The following CRY2 variants were observed in gnomAD, a reference collection of about 807,000 sequenced individuals.
CRY2 encodes cryptochrome-2.
CRY2 carries 31 observed loss-of-function variants against 69.5 expected under a neutral mutation model. The observed-to-expected ratio is 0.45, with a 90% CI of 0.34 to 0.60. The LOEUF (loss-of-function observed/expected upper bound fraction) is 0.60. Among genes scored for constraint, CRY2 ranks in the 20% least tolerant of loss-of-function variants. CRY2 has a pLI of 0.02. For synonymous variants in CRY2, 303 were observed against 312.2 expected, an observed-to-expected ratio of 0.97 and a Z score of 0.31; for missense variants, 606 against 797.8, an observed-to-expected ratio of 0.76 and a Z score of 2.90.
At chr11:45,868,083 C>A in intron 6 of CRY2, 1 of 298,344 alleles carries the variant, frequency 3.4e-6, no homozygotes, top group Non-Finnish European at 6.4e-6. Context: ...GGGTGAGAGG[C>A]ATGGAGAGGG....
chr11:45,847,850 T>TC, intron 1 of CRY2, 145 bp downstream of exon 1: 1 of 1,191,306 alleles, frequency 8.4e-7, no homozygotes, highest in Non-Finnish European at 1.1e-6. Flanking sequence ...TTCGTCATGG[T>TC]CCTAACGCGC....
At chr11:45,873,464 T>C (rs1334215929) in intron 11 of CRY2, among the ~76,000 whole-genome samples, 2 of 152,246 alleles carry the variant, frequency 1.3e-5, no homozygotes, top group African/African-American at 4.8e-5. Flanking sequence ...CTCAGTTATC[T>C]CTTAGCTCTG....
chr11:45,865,928 G>A (rs2086327419), intron 5 of CRY2, among the ~76,000 whole-genome samples: 1 of 152,218 alleles, frequency 6.6e-6, no homozygotes, highest in Admixed American at 6.5e-5. Context: ...GGATGGGAGT[G>A]GACGCAGGGA....
At chr11:45,870,636 G>A (rs2086371515) in intron 9 of CRY2, 104 bp downstream of exon 9, 1 of 1,399,986 alleles carries the variant, frequency 7.1e-7, no homozygotes, top group Non-Finnish European at 9.8e-7. Flanking sequence ...ACTGAGTGCT[G>A]TCTTTCAGGT....
intron 5 of CRY2, among the ~76,000 whole-genome samples, chr11:45,863,418 G>A (rs771153410): frequency 2.6e-5 from 4 of 151,934 alleles, no homozygotes; most frequent in South Asian, 2.1e-4. Flanking sequence ...CCCAGAGAGC[G>A]GGCCCCTTCT....
In CRY2 at chr11:45,882,036, A is replaced by G. The variant is rs963122580; in HGVS notation, c.*1125A>G. On this transcript the variant is annotated 3_prime_UTR_variant, in exon 12 of 12. Coordinates refer to ENST00000616080, the MANE Select transcript of CRY2 (RefSeq NM_021117.5). The stretch of plus-strand genomic sequence containing the variant: ...TGGGGACTGCCAGGGGCAGTTGGCA[A>G]AAGTCCAAGTAGAGATTACACCCAG... The G allele has an allele frequency of 6.6e-6, 1 of 152,264 alleles. No homozygotes were observed. Among genetic ancestry groups the G allele is most frequent in the Non-Finnish European group, 1.5e-5 (1 of 68,068 alleles). The allele number at this position is 152,264 out of a possible 1,614,324, so 9.4% of individuals were successfully genotyped here. A position where few individuals can be genotyped will look rare whatever the true frequency, so the allele number is the denominator to read the frequency against.
intron 1 of CRY2, among the ~76,000 whole-genome samples, chr11:45,853,021 C>G (rs1178288925): frequency 2.0e-5 from 3 of 152,190 alleles, no homozygotes. Flanking sequence ...CAGGGCAGCA[C>G]AGCCTCAGTG....
At chr11:45,865,894 C>T (rs895738023) in intron 5 of CRY2, among the ~76,000 whole-genome samples, 3 of 152,166 alleles carry the variant, frequency 2.0e-5, no homozygotes, top group African/African-American at 7.2e-5. Context: ...ACTCTGGTCC[C>T]AGCGTGGAGA....
chr11:45,851,373 A>G (rs1047741357), intron 1 of CRY2, among the ~76,000 whole-genome samples: 3 of 152,232 alleles, frequency 2.0e-5, no homozygotes, highest in African/African-American at 7.2e-5. Flanking sequence ...TAGAATTGGT[A>G]AATGAGGTAA....
Position 45,867,686 on chromosome 11 carries a change from C to T in CRY2, c.816C>T (p.Pro272=). 1 of 1,614,204 alleles carries T rather than the reference C, an allele frequency of 6.2e-7. No individual in the cohort carries two copies. The highest frequency in any genetic ancestry group is 1.3e-5 in the African/African-American group (1 of 75,038). The change falls in exon 6 of 12, where the codon CCC becomes CCT. Residue 272 remains proline (P), a synonymous_variant. Coordinates refer to ENST00000616080, the MANE Select transcript of CRY2 (RefSeq NM_021117.5). The part of the protein sequence containing the change: ...SLLASPTGLS[P]YLRFGCLSCR... ...TGGCCAGCCCCACAGGCCTCAGCCC[C>T]TACCTGCGCTTTGGTTGTCTCTCCT...
intron 11 of CRY2, among the ~76,000 whole-genome samples, chr11:45,878,995 T>C (rs567315999): frequency 2.7e-5 from 4 of 146,488 alleles, no homozygotes; most frequent in South Asian, 4.3e-4. Context: ...TTTGGGAGGC[T>C]GAAGTGGGTG....
In CRY2 at chr11:45,859,524, G is replaced by A. The variant is rs115896940; in HGVS notation, c.467+651G>A. Among the ~76,000 whole-genome samples, 782 of 150,284 alleles carry A rather than the reference G, an allele frequency of 5.2e-3. 6 individuals carry two copies. The highest frequency in any genetic ancestry group is 0.018 in the African/African-American group (726 of 40,770). ...CTGCCATGAGCTGTGATCATGCCAC[G>A]TCACTCCAGCCTGGGTGACAGAGCA... is the stretch of plus-strand genomic sequence containing the variant. On this transcript the variant is annotated intron_variant, in intron 3 of 11. Transcript: ENST00000616080.
intron 3 of CRY2, among the ~76,000 whole-genome samples, chr11:45,859,551 G>C (rs1334610614): frequency 1.4e-5 from 2 of 147,008 alleles, no homozygotes; most frequent in Non-Finnish European, 3.0e-5. Flanking sequence ...GACAGAGCAA[G>C]ATCCTGTGTC....
chr11:45,866,734 G>C (rs548369762), intron 5 of CRY2, among the ~76,000 whole-genome samples: 1 of 152,320 alleles, frequency 6.6e-6, no homozygotes, highest in Admixed American at 6.5e-5. Context: ...GCTGAAGAGA[G>C]TCAAGGTTGT....
chr11:45,865,231 C>T (rs944494130), intron 5 of CRY2, among the ~76,000 whole-genome samples: 8 of 151,828 alleles, frequency 5.3e-5, no homozygotes, highest in African/African-American at 1.7e-4. Flanking sequence ...AAATGCAGAA[C>T]GTGTTTATTA....
chr11:45,847,786 C>A (rs2086163660), intron 1 of CRY2, 81 bp downstream of exon 1: 1 of 1,444,858 alleles, frequency 6.9e-7, no homozygotes. Context: ...ACGATCCCCC[C>A]AACCCCGCCA....
In CRY2 at chr11:45,872,130, C is replaced by T. The variant is rs371915973; in HGVS notation, c.1681C>T (p.Arg561Cys). 7.4e-6 allele frequency: 12 copies of T among 1,614,124 alleles called. No individual in the cohort carries two copies. Among genetic ancestry groups the T allele is most frequent in the East Asian group, 2.2e-5 (1 of 44,876 alleles). Residue 561 changes from arginine to cysteine, a missense_variant, in exon 11 of 12, where the codon CGC becomes TGC. Arg to Cys is a radical substitution (Grantham distance 180). Transcript: ENST00000616080. ...ACCCAGTGGCCCAGCATCCCCCAAA[C>T]GCAAGCTGGAAGCAGCCGAGGAACC... Reference protein sequence around the residue: ...PLPSGPASPKRKLEAAEEPPG... With the variant: ...PLPSGPASPKCKLEAAEEPPG...
intron 11 of CRY2, among the ~76,000 whole-genome samples, chr11:45,879,534 A>G (rs2086451950): frequency 1.3e-5 from 2 of 152,262 alleles, no homozygotes; most frequent in Admixed American, 1.3e-4. Flanking sequence ...TTAATGAGCA[A>G]TACTATCGTA....
intron 9 of CRY2, 61 bp from the exon 10 acceptor site, chr11:45,870,781 C>T: frequency 1.4e-6 from 2 of 1,437,952 alleles, no homozygotes; most frequent in Non-Finnish European, 1.9e-6. Flanking sequence ...CTTCATCCTG[C>T]CCTGTAGCCC....
Sources: gnomAD v4.1 joint callset for allele counts (sites outside exome capture counted in the v4.1 genomes callset) on GRCh38, gnomAD v4.1.1 for gene constraint, MANE v1.5 for transcripts, NCBI Gene and HGNC (gene_info 2026-07-23, HGNC 2026-07-21) for gene names.